The following ALLC variants were observed in gnomAD, a reference collection of about 807,000 sequenced individuals.
ALLC encodes allantoicase.
In ALLC, 40 loss-of-function variants were observed where a neutral mutation model predicts 45.0. The ratio of observed to expected loss-of-function variants is 0.89; its 90% confidence interval spans 0.69 to 1.16. The LOEUF (loss-of-function observed/expected upper bound fraction) is 1.16. Among genes scored for constraint, ALLC ranks in the 50% most tolerant of loss-of-function variants. The pLI, the probability that ALLC is intolerant of heterozygous loss-of-function variation, is 0.00. For missense variants in ALLC, 488 were observed against 493.1 expected, an observed-to-expected ratio of 0.99 and a Z score of 0.10; for synonymous variants, 176 against 178.1, an observed-to-expected ratio of 0.99 and a Z score of 0.09.
At chr2:3,701,661 C>G (rs761785217) in intron 11 of ALLC, 25 bp downstream of exon 11, 2 of 1,604,758 alleles carry the variant, frequency 1.2e-6, no homozygotes, top group Admixed American at 1.7e-5. Context: ...TTATTCGGAT[C>G]CAGCACTCAG....
intron 1 of ALLC, among the ~76,000 whole-genome samples, chr2:3,659,987 T>G (rs1666530788): frequency 6.6e-6 from 1 of 152,224 alleles, no homozygotes; most frequent in South Asian, 2.1e-4. Flanking sequence ...GGGGAGACTT[T>G]TCACATAACA....
In ALLC at chr2:3,679,998, C is replaced by T. The variant is rs752153940; in HGVS notation, c.298+4C>T. The T allele has an allele frequency of 1.1e-5, 18 of 1,613,552 alleles. No individual in the cohort carries two copies. The highest frequency in any genetic ancestry group is 4.0e-5 in the African/African-American group (3 of 74,872). On this transcript the variant is annotated splice_donor_region_variant and intron_variant, in intron 5 of 11. Coordinates refer to ENST00000252505, the MANE Select transcript of ALLC (RefSeq NM_018436.4). ...CAAGCAGCAAACTTGGAAGAAGGTG[C>T]GTTAGGAACCACTGTCCCCAAAATG... is the stretch of plus-strand genomic sequence containing the variant.
intron 7 of ALLC, 56 bp downstream of exon 7, chr2:3,683,130 A>G (rs1667243288): frequency 1.3e-6 from 2 of 1,528,408 alleles, no homozygotes; most frequent in Admixed American, 4.1e-5. Flanking sequence ...TTATGTTGAC[A>G]TGTTTATAAA....
chr2:3,664,006 G>T (rs753757590), intron 1 of ALLC, among the ~76,000 whole-genome samples: 3 of 152,332 alleles, frequency 2.0e-5, no homozygotes, highest in Admixed American at 6.5e-5. Flanking sequence ...ATAGCAAGTG[G>T]TTCCCACGTC....
chr2:3,693,972 G>C (rs928294775), intron 7 of ALLC, among the ~76,000 whole-genome samples: 1 of 152,160 alleles, frequency 6.6e-6, no homozygotes, highest in Non-Finnish European at 1.5e-5. Flanking sequence ...TGGGCAACCA[G>C]AGTGAGACTC....
Position 3,669,702 on chromosome 2 carries a change from G to A in ALLC, c.-62-1394G>A, listed in dbSNP as rs578204508. Among the ~76,000 whole-genome samples the A allele has an allele frequency of 5.3e-5, 8 of 152,272 alleles. No individual in the cohort carries two copies. In the South Asian group the frequency reaches 8.3e-4, roughly 16 times the overall value. On this transcript the variant is annotated intron_variant, in intron 1 of 11. Transcript: ENST00000252505. The stretch of plus-strand genomic sequence containing the variant: ...CATGTTCTGGGTCCAGTGGGCAGGT[G>A]GACAGGATGCTGCACAGACTGGGTG...
In ALLC at chr2:3,669,239, C is replaced by A. The variant is rs144439992; in HGVS notation, c.-62-1857C>A. On this transcript the variant is annotated intron_variant, in intron 1 of 11. Transcript: ENST00000252505. ...CTGTAATCCCAGCACTTTGGGAGGC[C>A]GAGGTGGGTGGATCACGAAGTCAGG... Among the ~76,000 whole-genome samples the A allele has an allele frequency of 5.2e-3, 789 of 151,928 alleles. 4 individuals are homozygous for A. The highest frequency in any genetic ancestry group is 0.023 in the East Asian group (117 of 5,108).
chr2:3,694,311 C>T (rs543349334), intron 7 of ALLC, among the ~76,000 whole-genome samples: 1 of 152,280 alleles, frequency 6.6e-6, no homozygotes, highest in East Asian at 1.9e-4. Context: ...CCAGCTCTTA[C>T]TGGCATCTTT....
intron 1 of ALLC, among the ~76,000 whole-genome samples, chr2:3,669,792 C>T (rs115657347): frequency 0.021 from 3,247 of 152,224 alleles, 103 homozygotes; most frequent in African/African-American, 0.075. Context: ...TGGGGCTGCT[C>T]CTCCCGGAGG....
chr2:3,697,629 A>G (rs200969501), intron 10 of ALLC, among the ~76,000 whole-genome samples, 173 bp downstream of exon 10: 8,874 of 129,684 alleles, frequency 0.068, 294 homozygotes, highest in African/African-American at 0.078. Flanking sequence ...CTGTCTATCT[A>G]TCTATCTATC....
upstream of ALLC, among the ~76,000 whole-genome samples, chr2:3,657,655 A>G (rs1410342200): frequency 1.3e-5 from 2 of 152,364 alleles, no homozygotes; most frequent in Non-Finnish European, 2.9e-5. Flanking sequence ...TTCTGCAGAC[A>G]GTGGGGCCTT....
At chr2:3,701,260 C>T (rs896847286) in intron 10 of ALLC, among the ~76,000 whole-genome samples, 3 of 152,138 alleles carry the variant, frequency 2.0e-5, no homozygotes, top group South Asian at 2.1e-4. Context: ...AATTGAAATG[C>T]GCCAGCCCCT....
At chr2:3,698,044 A>G (rs1164126521) in intron 10 of ALLC, among the ~76,000 whole-genome samples, 2 of 151,738 alleles carry the variant, frequency 1.3e-5, no homozygotes, top group Non-Finnish European at 1.5e-5. Context: ...GCTCACTGCA[A>G]CCTCTGCCTC....
At chr2:3,697,489 A>T in intron 10 of ALLC, 33 bp downstream of exon 10, 1 of 1,563,922 alleles carries the variant, frequency 6.4e-7, no homozygotes, top group Non-Finnish European at 8.8e-7. Context: ...GTACCCTATA[A>T]TTGGTTTGTT....
the ALLC span, among the ~76,000 whole-genome samples, chr2:3,651,132 G>A: frequency 6.6e-6 from 1 of 151,402 alleles, no homozygotes; most frequent in Non-Finnish European, 1.5e-5. Context: ...ATGGATGAGC[G>A]CAGACACACA....
intron 7 of ALLC, among the ~76,000 whole-genome samples, chr2:3,685,539 T>C (rs978633516): frequency 5.3e-5 from 8 of 150,858 alleles, no homozygotes; most frequent in African/African-American, 1.9e-4. Context: ...AAGAACTCCC[T>C]ATCAGAAGAA....
At chr2:3,689,916 T>C (rs1203218454) in intron 7 of ALLC, among the ~76,000 whole-genome samples, 1 of 149,436 alleles carries the variant, frequency 6.7e-6, no homozygotes. Context: ...ATATTCATAA[T>C]TGACCCATTT....
chr2:3,681,245 G>A (rs1572519203), intron 5 of ALLC, among the ~76,000 whole-genome samples: 1 of 152,164 alleles, frequency 6.6e-6, no homozygotes, highest in South Asian at 2.1e-4. Flanking sequence ...CTGCCCATGA[G>A]TGCTTCTATT....
At chr2:3,650,305 G>T in the ALLC span, among the ~76,000 whole-genome samples, 1 of 152,164 alleles carries the variant, frequency 6.6e-6, no homozygotes, top group African/African-American at 2.4e-5. Flanking sequence ...CCTCCTGGGG[G>T]CCGGAGTGGC....
Sources: allele counts gnomAD v4.1 joint callset (sites outside exome capture counted in the v4.1 genomes callset), GRCh38; gene constraint gnomAD v4.1.1; transcripts MANE v1.5; gene names NCBI Gene and HGNC (gene_info 2026-07-23, HGNC 2026-07-21).